DMXL1: variants seen among roughly 807,000 people sequenced by gnomAD.
DMXL1 encodes the protein dmX-like protein 1.
Under a neutral mutation model 319.2 loss-of-function variants are expected in DMXL1, and 99 were observed. The observed-to-expected ratio is 0.31, with a 90% CI of 0.26 to 0.37. The LOEUF is 0.37. Ranked by LOEUF, DMXL1 falls within the 10% of genes least tolerant of loss-of-function variation. The pLI is 1.00. For synonymous variants in DMXL1, 1,385 were observed against 1,235.2 expected (o/e 1.12, Z -2.54); for missense variants, 3,745 against 3,595.6 (o/e 1.04, Z -1.06).
chr5:119,127,995 T>G, intron 9 of DMXL1: 5 of 408,230 alleles, frequency 1.2e-5, no homozygotes, highest in South Asian at 1.0e-4. Flanking sequence ...CTGCACCCTG[T>G]TATGAGGCAT....
At chr5:119,141,298 A>G (rs1767288087) in intron 13 of DMXL1, among the ~76,000 whole-genome samples, 1 of 152,210 alleles carries the variant, frequency 6.6e-6, no homozygotes, top group African/African-American at 2.4e-5. Context: ...ATAGGAAGAG[A>G]GGAAGTAAAA....
intron 26 of DMXL1, among the ~76,000 whole-genome samples, chr5:119,176,812 G>A (rs73242980): frequency 0.022 from 3,382 of 151,948 alleles, 127 homozygotes; most frequent in African/African-American, 0.077. Flanking sequence ...TCTTTTACTT[G>A]GGGAAGCTTA....
At chr5:119,207,665 C>T (rs1385430320) in intron 34 of DMXL1, among the ~76,000 whole-genome samples, 2 of 151,826 alleles carry the variant, frequency 1.3e-5, no homozygotes, top group South Asian at 2.1e-4. Context: ...ATTATAGGCG[C>T]CCACCACCAC....
intron 34 of DMXL1, among the ~76,000 whole-genome samples, chr5:119,207,211 T>A (rs1781893974): frequency 6.6e-6 from 1 of 152,150 alleles, no homozygotes; most frequent in East Asian, 1.9e-4. Context: ...TTGTTTTAAT[T>A]CTGCAAATAT....
At position 119,149,114 on chromosome 5, in the gene DMXL1, C is replaced by A. The variant is rs777286314; in HGVS notation, c.3287C>A (p.Thr1096Lys). The A allele has an allele frequency of 5.6e-6, 9 of 1,613,702 alleles. No homozygotes were observed. The highest frequency in any genetic ancestry group is 5.1e-6 in the Non-Finnish European group (6 of 1,179,874). ...GGTTCATGTTGGGTCCTTGAGCAGA[C>A]AATTCATTTAGATGAGTTAAGCACA... is the stretch of plus-strand genomic sequence containing the variant. ...TGGSCWVLEQ[T>K]IHLDELSTVL... Residue 1096 changes from threonine (T) to lysine (K), a missense_variant, in exon 18 of 44, where the codon ACA (threonine) becomes AAA (lysine). Physicochemically the swap from Thr to Lys is moderately conservative, Grantham distance 78. Transcript: ENST00000539542.
At chr5:119,071,800 C>A in intron 1 of DMXL1, 144 bp downstream of exon 1, 1 of 658,034 alleles carries the variant, frequency 1.5e-6, no homozygotes, top group Non-Finnish European at 2.5e-6. Flanking sequence ...GCAGACCTGG[C>A]CCTTGAGAAC....
At chr5:119,077,618 G>A (rs1162185812) in intron 1 of DMXL1, among the ~76,000 whole-genome samples, 8 of 138,376 alleles carry the variant, frequency 5.8e-5, no homozygotes, top group Non-Finnish European at 1.2e-4. Flanking sequence ...CCACAGACAC[G>A]TGCCACCATT....
chr5:119,149,422 C>G lies in DMXL1; in HGVS notation c.3595C>G (p.Leu1199Val), dbSNP rs1769282755. The G allele has an allele frequency of 6.2e-7, 1 of 1,613,902 alleles. No individual in the cohort carries two copies. Among genetic ancestry groups the G allele is most frequent in the Non-Finnish European group, 8.5e-7 (1 of 1,179,886 alleles). The change falls in exon 18 of 44, where the codon CTA becomes GTA. Residue 1199 changes from leucine (L) to valine (V), a missense_variant. By Grantham distance (32) the Leu-to-Val change is conservative. This residue lies in a region of DMXL1 where 2,096 missense variants were observed against 1,985.4 expected (regional missense o/e 1.06). Coordinates refer to ENST00000539542, the MANE Select transcript of DMXL1 (RefSeq NM_001290321.3). ...TKVVPLSKFV[L>V]LRSVDLVSSV... ...AGTTGTGCCCCTTTCTAAATTTGTA[C>G]TATTACGAAGTGTGGACCTAGTTTC... is the stretch of plus-strand genomic sequence containing the variant.
chr5:119,214,848 C>T (rs757876639), intron 34 of DMXL1, among the ~76,000 whole-genome samples: 2 of 152,066 alleles, frequency 1.3e-5, no homozygotes, highest in Non-Finnish European at 2.9e-5. Flanking sequence ...ATGTAAAGTT[C>T]GAAAAAGCTC....
chr5:119,137,925 G>A (rs1025551365), intron 13 of DMXL1, among the ~76,000 whole-genome samples: 5 of 152,144 alleles, frequency 3.3e-5, no homozygotes, highest in Non-Finnish European at 7.4e-5. Flanking sequence ...GATAAAGTCG[G>A]AAAGTTAGCC....
At chr5:119,202,741 C>T (rs948550634) in intron 32 of DMXL1, among the ~76,000 whole-genome samples, 18 of 151,142 alleles carry the variant, frequency 1.2e-4, no homozygotes, top group African/African-American at 3.6e-4. Context: ...ATCCCAGCTA[C>T]TCGGGAGGCT....
rs781255793 is a variant in DMXL1, at chr5:119,221,028, C to T, written c.8224C>T (p.Pro2742Ser). 5.6e-6 allele frequency: 9 copies of T among 1,613,660 alleles called. 1 individual carries two copies. In the East Asian group the frequency reaches 2.0e-4, roughly 36 times the overall value. ...ATATACACATAGCAATCCTGGCACT[C>T]CAATCAACATGCCATGGCTTGGTAG... Reference protein sequence around the residue: ...TPYTHSNPGTPINMPWLGSTQ... With the variant: ...TPYTHSNPGTSINMPWLGSTQ... Residue 2742 changes from proline to serine, a missense_variant, in exon 37 of 44, where the codon CCA becomes TCA. Physicochemically the swap from Pro to Ser is moderately conservative, Grantham distance 74 (BLOSUM62 -1). Transcript: ENST00000539542.
rs566335417 is a variant in DMXL1, at chr5:119,137,288, A to G, written c.2376+2899A>G. ...CTATTTGGAACAGAACATTTACCCAATGCCTGTGCTCGCATTGTATCTTGG... is the reference window on the plus strand; with the variant it reads ...CTATTTGGAACAGAACATTTACCCAGTGCCTGTGCTCGCATTGTATCTTGG... On this transcript the variant is annotated intron_variant, in intron 13 of 43. Coordinates refer to ENST00000539542, the MANE Select transcript of DMXL1 (RefSeq NM_001290321.3). 2.2e-3 allele frequency among the ~76,000 whole-genome samples: 337 copies of G among 152,322 alleles called. 1 individual carries two copies. In the Middle Eastern group the frequency reaches 0.048, roughly 22 times the overall value.
At position 119,101,954 on chromosome 5, in the gene DMXL1, A is replaced by G; in HGVS notation, c.233A>G (p.Asn78Ser). ...QQGKIAASYGNVISIFEPVNL... is the reference protein window; with the variant it reads ...QQGKIAASYGSVISIFEPVNL... ...TAAAAGATTGCAGCGTCTTATGGAA[A>G]TGTTATCTCCATTTTTGAACCAGTT... is the stretch of plus-strand genomic sequence containing the variant. The change falls in exon 3 of 44, where the codon AAT (asparagine) becomes AGT (serine). Residue 78 changes from asparagine to serine, a missense_variant. Around this residue, in one of 4 missense-constraint regions of DMXL1, gnomAD observed 2,096 missense variants for 1,985.4 expected, o/e 1.06. Coordinates refer to ENST00000539542, the MANE Select transcript of DMXL1 (RefSeq NM_001290321.3). 2 of 1,605,168 alleles carry G rather than the reference A, an allele frequency of 1.2e-6. No individual in the cohort carries two copies. Among genetic ancestry groups the G allele is most frequent in the Non-Finnish European group, 1.7e-6 (2 of 1,175,916 alleles).
rs530222707 is a variant in DMXL1 at position 119,166,458 on chromosome 5, A to G, written c.4971-158A>G. Among the ~76,000 whole-genome samples, 8 of 152,334 alleles carry G rather than the reference A, an allele frequency of 5.3e-5. No homozygotes were observed. In the East Asian group the frequency reaches 1.3e-3, roughly 26 times the overall value. On this transcript the variant is annotated intron_variant, in intron 21 of 43. Coordinates refer to ENST00000539542, the MANE Select transcript of DMXL1 (RefSeq NM_001290321.3). ...AGACTTATATAACAAATGTTTACCT[A>G]ATATAATTTTTACTGGGAAAAGAAG...
intron 1 of DMXL1, among the ~76,000 whole-genome samples, chr5:119,080,091 A>G (rs544672888): frequency 2.8e-4 from 43 of 152,336 alleles, no homozygotes; most frequent in Non-Finnish European, 5.6e-4. Flanking sequence ...GCACGCCTGT[A>G]ATCCCAGCAC....
chr5:119,171,565 AT>A (rs33917036), intron 24 of DMXL1, among the ~76,000 whole-genome samples: 28,794 of 149,228 alleles, frequency 0.19, 3,100 homozygotes, highest in Non-Finnish European at 0.26. Flanking sequence ...ATATTGTCTT[AT>A]TTTTTTTTTC....
intron 30 of DMXL1, among the ~76,000 whole-genome samples, chr5:119,194,504 A>G (rs1779262199): frequency 6.7e-6 from 1 of 150,274 alleles, no homozygotes; most frequent in Non-Finnish European, 1.5e-5. Flanking sequence ...GTCTCTATTG[A>G]TATGTTTACA....
In DMXL1 at chr5:119,151,995, C is replaced by A. The variant is rs747782446; in HGVS notation, c.4661C>A (p.Thr1554Lys). Residue 1554 changes from threonine to lysine, a missense_variant, in exon 19 of 44, where the codon ACA (threonine) becomes AAA (lysine). Coordinates refer to ENST00000539542, the MANE Select transcript of DMXL1 (RefSeq NM_001290321.3). ...LLAVRLHTFL[T>K]TSLPAYRAQL... is the part of the protein sequence containing the mutation. ...GCTGTTCGACTCCATACCTTTCTTA[C>A]AACTTCCCTTCCAGCCTATCGAGCT... 3.7e-6 allele frequency: 6 copies of A among 1,613,046 alleles called. No homozygotes were observed. Among genetic ancestry groups the A allele is most frequent in the East Asian group, 2.2e-5 (1 of 44,758 alleles).
Sources: allele counts gnomAD v4.1 joint callset (sites outside exome capture counted in the v4.1 genomes callset), GRCh38; gene constraint gnomAD v4.1.1; regional missense constraint gnomAD v4.1.1; transcripts MANE v1.5; gene names NCBI Gene and HGNC (gene_info 2026-07-23, HGNC 2026-07-21).